Variants in TMTC4 observed in about 807,000 individuals in gnomAD.
TMTC4 encodes protein O-mannosyl-transferase TMTC4.
Under a neutral mutation model 86.0 loss-of-function variants are expected in TMTC4, and 65 were observed. The ratio of observed to expected loss-of-function variants is 0.76; its 90% CI spans 0.62 to 0.93. TMTC4 has a LOEUF of 0.93. TMTC4 is among the 40% of genes least tolerant of loss of function. TMTC4 has a pLI of 0.00. For missense variants in TMTC4, 866 were observed against 948.1 expected, an observed-to-expected ratio of 0.91 and a Z score of 1.14; for synonymous variants, 379 against 382.5, an observed-to-expected ratio of 0.99 and a Z score of 0.11.
chr13:100,607,205 T>A (rs1469358124), intron 17 of TMTC4, among the ~76,000 whole-genome samples: 1 of 152,110 alleles, frequency 6.6e-6, no homozygotes, highest in Non-Finnish European at 1.5e-5. Context: ...TCGCATTCCT[T>A]AAGGGGAGCA....
At chr13:100,633,970 T>A (rs1009628973) in intron 12 of TMTC4, among the ~76,000 whole-genome samples, 1 of 152,064 alleles carries the variant, frequency 6.6e-6, no homozygotes, top group East Asian at 1.9e-4. Flanking sequence ...TGAAACTCTG[T>A]CTCTACTAAA....
At chr13:100,650,530 G>C (rs1884299118) in intron 6 of TMTC4, among the ~76,000 whole-genome samples, 1 of 152,246 alleles carries the variant, frequency 6.6e-6, no homozygotes, top group East Asian at 1.9e-4. Flanking sequence ...GGCACGTCAT[G>C]TTGTGTGTGG....
At chr13:100,619,204 G>A (rs1034929504) in intron 15 of TMTC4, among the ~76,000 whole-genome samples, 3 of 152,026 alleles carry the variant, frequency 2.0e-5, no homozygotes, top group African/African-American at 7.2e-5. Flanking sequence ...TGGGGCGGCC[G>A]GCCGGGCAGA....
At chr13:100,609,138 T>C (rs895662588) in intron 17 of TMTC4, among the ~76,000 whole-genome samples, 5 of 152,124 alleles carry the variant, frequency 3.3e-5, no homozygotes, top group African/African-American at 1.2e-4. Flanking sequence ...TCTGATTGCA[T>C]TGGGGCTGAA....
At chr13:100,669,105 G>C (rs568252149) in intron 2 of TMTC4, among the ~76,000 whole-genome samples, 1 of 152,008 alleles carries the variant, frequency 6.6e-6, no homozygotes, top group Admixed American at 6.6e-5. Flanking sequence ...ATTTTTAATC[G>C]TCCTTGAACC....
At chr13:100,670,230 TA>T in intron 2 of TMTC4, 129 bp downstream of exon 2, 2 of 1,002,248 alleles carry the variant, frequency 2.0e-6, no homozygotes, top group Non-Finnish European at 1.4e-6. Flanking sequence ...TCTGGATCTC[TA>T]AGTGGATACC....
intron 6 of TMTC4, among the ~76,000 whole-genome samples, chr13:100,643,680 G>GT (rs1311861369): frequency 5.3e-5 from 8 of 152,182 alleles, no homozygotes; most frequent in African/African-American, 1.9e-4. Context: ...TTAACCATGT[G>GT]TGTATATTAA....
At chr13:100,672,125 T>C (rs923707134) in intron 1 of TMTC4, among the ~76,000 whole-genome samples, 3 of 152,224 alleles carry the variant, frequency 2.0e-5, no homozygotes, top group South Asian at 2.1e-4. Flanking sequence ...GTTCTCATTA[T>C]TGTTAGATTT....
chr13:100,604,976 A>G lies in TMTC4; in HGVS notation c.*18T>C. The G allele has an allele frequency of 6.2e-7, 1 of 1,610,988 alleles. No homozygotes were observed. The highest frequency in any genetic ancestry group is 8.5e-7 in the Non-Finnish European group (1 of 1,178,830). On this transcript the variant is annotated 3_prime_UTR_variant, in exon 19 of 19. Coordinates refer to ENST00000342624, the MANE Select transcript of TMTC4 (RefSeq NM_032813.5). ...CATGCACACACACACTCAAACTCAA[A>G]ACATGAAGGAAACAGGATCAGACAG...
intron 6 of TMTC4, among the ~76,000 whole-genome samples, chr13:100,654,332 CA>C (rs1477940324): frequency 2.0e-5 from 3 of 152,114 alleles, no homozygotes; most frequent in Non-Finnish European, 2.9e-5. Flanking sequence ...ATAAACATTA[CA>C]AATGCTAAAA....
At chr13:100,608,994 A>G (rs559012364) in intron 17 of TMTC4, among the ~76,000 whole-genome samples, 359 of 152,278 alleles carry the variant, frequency 2.4e-3, no homozygotes, top group Non-Finnish European at 3.0e-3. Context: ...CACAGCAGCC[A>G]CCCAAGAGTG....
At chr13:100,667,719 T>C (rs1291462437) in intron 3 of TMTC4, among the ~76,000 whole-genome samples, 2 of 152,126 alleles carry the variant, frequency 1.3e-5, no homozygotes, top group Admixed American at 6.6e-5. Context: ...AATGTGTATA[T>C]TCCTCTAAGT....
Position 100,651,907 on chromosome 13 carries a change from G to A in TMTC4, c.640+4474C>T, listed in dbSNP as rs552531578. ...AATAAAAAATGACTTGTCTACCACC[G>A]AAGAGTTAGTTTTTATTCTCTGCTG... On this transcript the variant is annotated intron_variant, in intron 6 of 18. Transcript: ENST00000342624. 6.6e-5 allele frequency among the ~76,000 whole-genome samples: 10 copies of A among 152,170 alleles called. No homozygotes were observed. The South Asian group carries it at 1.9e-3, about 28-fold the overall frequency.
At chr13:100,636,471 A>C in intron 10 of TMTC4, 61 bp downstream of exon 10, 1 of 1,589,264 alleles carries the variant, frequency 6.3e-7, no homozygotes, top group African/African-American at 1.3e-5. Context: ...TCAGCGCAGG[A>C]TTTCACAAAA....
chr13:100,632,053 A>ACACT (rs1296569630), intron 12 of TMTC4, among the ~76,000 whole-genome samples: 123 of 43,092 alleles, frequency 2.9e-3, no homozygotes, highest in East Asian at 7.2e-3. Flanking sequence ...ACACACACAC[A>ACACT]CTCTCTCTCT....
At chr13:100,674,249 G>A (rs1373035256) in intron 1 of TMTC4, 1 of 980,028 alleles carries the variant, frequency 1.0e-6, no homozygotes, top group Non-Finnish European at 1.2e-6. Flanking sequence ...TCGCGGCGCG[G>A]CGGGGGAGCC....
chr13:100,605,450 T>C lies in TMTC4; in HGVS notation c.2135-308A>G, dbSNP rs1473433742. Among the ~76,000 whole-genome samples the C allele has an allele frequency of 6.6e-6, 1 of 152,088 alleles. No individual in the cohort carries two copies. The highest frequency in any genetic ancestry group is 2.4e-5 in the African/African-American group (1 of 41,406). On this transcript the variant is annotated intron_variant, in intron 18 of 18. Transcript: ENST00000342624. This position sits in a 1 kb window ranked among gnomAD's most constrained non-coding sequence, Gnocchi z 4.3. ...GCAATGTCTTAGTGCTGCCATGAAA[T>C]TTCCAGGAAGCAAGGCTGGGTATGG...
intron 5 of TMTC4, among the ~76,000 whole-genome samples, chr13:100,657,652 G>A (rs1483832360): frequency 3.9e-5 from 6 of 152,146 alleles, no homozygotes; most frequent in Admixed American, 1.3e-4. Context: ...TCCAGGTATC[G>A]CTTTAAAGGC....
At chr13:100,612,204 A>C (rs1877699094) in intron 17 of TMTC4, among the ~76,000 whole-genome samples, 194 bp downstream of exon 17, 1 of 152,218 alleles carries the variant, frequency 6.6e-6, no homozygotes, top group African/African-American at 2.4e-5. Flanking sequence ...TCTGATGAGA[A>C]AGGACACTGG....
Sources: gnomAD v4.1 joint callset for allele counts (sites outside exome capture counted in the v4.1 genomes callset) on GRCh38, gnomAD v4.1.1 for gene constraint, Gnocchi (gnomAD v3.1) non-coding constraint, MANE v1.5 for transcripts, NCBI Gene and HGNC (gene_info 2026-07-23, HGNC 2026-07-21) for gene names.